The following AARS2 variants were observed in gnomAD, a reference collection of about 807,000 sequenced individuals.
The protein encoded by AARS2 is alanyl-tRNA synthetase 2, mitochondrial.
A neutral mutation model predicts 119.7 loss-of-function variants in AARS2; 78 were observed. The ratio of observed to expected loss-of-function variants is 0.65; its 90% CI spans 0.54 to 0.79. The LOEUF is 0.79. AARS2 is among the 30% of genes least tolerant of loss of function. The pLI is 0.00. For missense variants in AARS2, 1,157 were observed against 1,291.3 expected (o/e 0.90, Z 1.59); for synonymous variants, 502 against 526.3 (o/e 0.95, Z 0.63).
In AARS2 at chr6:44,306,514, G is replaced by C; in HGVS notation, c.1168C>G (p.Leu390Val). ...AGTACCTGGGCTGAGTTCCTTTGCA[G>C]TTCTGGATAAGCATCTCCCTGGGGG... The part of the protein sequence containing the change: ...VETLGDAYPE[L>V]QRNSAQIANL... The change falls in exon 8 of 22, where the codon CTG (leucine) becomes GTG (valine). Residue 390 changes from leucine to valine, a missense_variant. Coordinates refer to ENST00000244571, the MANE Select transcript of AARS2 (RefSeq NM_020745.4). The C allele has an allele frequency of 6.2e-7, 1 of 1,614,172 alleles. No homozygotes were observed.
rs908356412 is a variant in AARS2, at chr6:44,305,068, G to C, written c.1565C>G (p.Pro522Arg). 8 of 1,613,954 alleles carry C rather than the reference G, an allele frequency of 5.0e-6. No homozygotes were observed. Among genetic ancestry groups the C allele is most frequent in the African/African-American group, 1.3e-5 (1 of 74,934 alleles). ...CAGGCTCTCACCATAACTTCCGCTG[G>C]GTCGCAGGGAGTAGTTGTACTTGGG... ...DSPKYNYSLR[P>R]SGSYEFGTCE... Residue 522 changes from proline to arginine, a missense_variant, in exon 11 of 22, where the codon CCC (proline) becomes CGC (arginine). Physicochemically the swap from Pro to Arg is moderately radical, Grantham distance 103. Coordinates refer to ENST00000244571, the MANE Select transcript of AARS2 (RefSeq NM_020745.4). This position sits in a 1 kb window ranked among gnomAD's most constrained non-coding sequence, Gnocchi z 4.6.
intron 9 of AARS2, 36 bp downstream of exon 9, chr6:44,306,244 C>A: frequency 6.2e-7 from 1 of 1,601,662 alleles, no homozygotes; most frequent in Non-Finnish European, 8.6e-7. Flanking sequence ...TGAGTCTCAG[C>A]GAGCCCCTTG....
chr6:44,311,837 C>T (rs181376017), intron 2 of AARS2, among the ~76,000 whole-genome samples: 1 of 152,340 alleles, frequency 6.6e-6, no homozygotes, highest in East Asian at 1.9e-4. Flanking sequence ...CTTAGCATTG[C>T]TGTTTGACCA....
At chr6:44,310,657 C>T (rs1225624317) in intron 4 of AARS2, among the ~76,000 whole-genome samples, 1 of 152,206 alleles carries the variant, frequency 6.6e-6, no homozygotes, top group Non-Finnish European at 1.5e-5. Context: ...CATTCTCACC[C>T]CTGCTTGGGC....
rs1348441280 is a variant in AARS2 at position 44,305,592 on chromosome 6, A to T, written c.1434+61T>A. 1.7e-5 allele frequency: 28 copies of T among 1,606,044 alleles called. No homozygotes were observed. The highest frequency in any genetic ancestry group is 2.1e-5 in the Non-Finnish European group (25 of 1,174,732). ...CAATATTCACAGCTCCTCCCCCAGG[A>T]GCTCAGGGCTGGGGAAGAGGTGTCC... On this transcript the variant is annotated intron_variant, in intron 10 of 21. Coordinates refer to ENST00000244571, the MANE Select transcript of AARS2 (RefSeq NM_020745.4). The surrounding 1 kb of genome is among the most constrained non-coding windows in gnomAD (Gnocchi z 4.6).
chr6:44,311,982 T>C (rs1786398485), intron 2 of AARS2, 90 bp downstream of exon 2: 2 of 1,493,094 alleles, frequency 1.3e-6, no homozygotes, highest in Non-Finnish European at 1.9e-6. Context: ...CCTCCACATC[T>C]GGTATGAGGC....
chr6:44,306,413 T>C (rs779844655), intron 8 of AARS2, 22 bp from the exon 9 acceptor site: 1 of 1,613,800 alleles, frequency 6.2e-7, no homozygotes, highest in South Asian at 1.1e-5. Context: ...AGAGAAGAAG[T>C]GGAGCTGGGT....
intron 4 of AARS2, among the ~76,000 whole-genome samples, chr6:44,310,720 A>G (rs1786276313): frequency 6.6e-6 from 1 of 152,250 alleles, no homozygotes; most frequent in South Asian, 2.1e-4. Flanking sequence ...TTGCCCCTAG[A>G]AAGATATGTC....
chr6:44,301,221 T>C lies in AARS2; in HGVS notation c.2728A>G (p.Thr910Ala). 1 of 1,613,648 alleles carries C rather than the reference T, an allele frequency of 6.2e-7. No individual in the cohort carries two copies. Among genetic ancestry groups the C allele is most frequent in the Non-Finnish European group, 8.5e-7 (1 of 1,179,982 alleles). Residue 910 changes from threonine (T) to alanine (A), a missense_variant, in exon 21 of 22, where the codon ACG (threonine) becomes GCG (alanine). Transcript: ENST00000244571. Reference sequence around the variant, plus strand: ...TGGGGGCTGAGTAGGAGCACAGACGTGCTGGGGGCCTGCTCACACAGCTGC... The same window carrying C: ...TGGGGGCTGAGTAGGAGCACAGACGCGCTGGGGGCCTGCTCACACAGCTGC... The part of the protein sequence containing the change: ...VRQLCEQAPS[T>A]SVLLLSPQPM...
chr6:44,306,594 AC>A, intron 7 of AARS2, 62 bp from the exon 8 acceptor site: 2 of 1,595,136 alleles, frequency 1.3e-6, no homozygotes. Context: ...CCACCTCCCC[AC>A]CCTGGGCCTC....
rs774517733 is a variant in AARS2 at position 44,306,908 on chromosome 6, A to C, written c.1149+15T>G. The C allele has an allele frequency of 6.8e-6, 11 of 1,612,022 alleles. No homozygotes were observed. Among genetic ancestry groups the C allele is most frequent in the Admixed American group, 1.7e-5 (1 of 60,002 alleles). ...CCCAGGGAGGCCCAGAGTGAAAAAG[A>C]AGCTCTGTCCTTACCAGTGTCTCCA... is the stretch of plus-strand genomic sequence containing the variant. On this transcript the variant is annotated intron_variant, in intron 7 of 21. Coordinates refer to ENST00000244571, the MANE Select transcript of AARS2 (RefSeq NM_020745.4).
chr6:44,305,722 C>T lies in AARS2; in HGVS notation c.1365G>A (p.Leu455=). The T allele has an allele frequency of 6.2e-7, 1 of 1,614,178 alleles. No homozygotes were observed. Among genetic ancestry groups the T allele is most frequent in the Non-Finnish European group, 8.5e-7 (1 of 1,180,032 alleles). ...GCTGGACCCCTTTCTCCTCCAGCAT[C>T]AGCTCTACCATGTCCAAGGGGAGTC... ...DLGLPLDMVE[L]MLEEKGVQLD... The change falls in exon 10 of 22, where the codon CTG becomes CTA. Residue 455 remains leucine (L), a synonymous_variant. Transcript: ENST00000244571. This position sits in a 1 kb window ranked among gnomAD's most constrained non-coding sequence, Gnocchi z 4.6.
chr6:44,304,846 G>A, intron 11 of AARS2, 29 bp from the exon 12 acceptor site: 1 of 1,613,874 alleles, frequency 6.2e-7, no homozygotes, highest in Non-Finnish European at 8.5e-7. Context: ...GTTATTAGTG[G>A]TGGGCAGGGG....
chr6:44,305,259 T>C lies in AARS2; in HGVS notation c.1435-61A>G. On this transcript the variant is annotated intron_variant, in intron 10 of 21. Transcript: ENST00000244571. This position sits in a 1 kb window ranked among gnomAD's most constrained non-coding sequence, Gnocchi z 4.6. The stretch of plus-strand genomic sequence containing the variant: ...GAGAATGAAAGAATGAAAGTGGGAC[T>C]TCAGCCTCGCAGGGCCCTGTCCCTG... The C allele has an allele frequency of 6.3e-7, 1 of 1,596,110 alleles. No individual in the cohort carries two copies.
chr6:44,302,494 C>T lies in AARS2; in HGVS notation c.2384G>A (p.Ser795Asn). The T allele has an allele frequency of 3.7e-6, 6 of 1,614,148 alleles. No individual in the cohort carries two copies. Among genetic ancestry groups the T allele is most frequent in the Non-Finnish European group, 3.4e-6 (4 of 1,180,040 alleles). ...QAQQARELGQ[S>N]LAQEVKAATE... is the part of the protein sequence containing the mutation. The stretch of plus-strand genomic sequence containing the variant: ...GGCCGCTTTCACTTCCTGGGCCAGG[C>T]TCTGGCCTAGCTCTCGGGCCTGCAG... Residue 795 changes from serine (S) to asparagine (N), a missense_variant, in exon 18 of 22, where the codon AGC becomes AAC. Physicochemically the swap from Ser to Asn is conservative, Grantham distance 46 (BLOSUM62 1). Transcript: ENST00000244571.
At chr6:44,310,882 CGGTAAGCACCGTTTACATGTTT>C in intron 4 of AARS2, 90 bp downstream of exon 4, 1 of 1,388,022 alleles carries the variant, frequency 7.2e-7, no homozygotes, top group East Asian at 2.3e-5. Flanking sequence ...GCCTGACACA[CGGTAAGCACCGTTTACATGTTT>C]GTTTTTATAT....
At position 44,310,988 on chromosome 6, in the gene AARS2, T is replaced by A; in HGVS notation, c.749+6A>T. ...GGATTCTCATCCTGCTTCAGCACCC[T>A]ATTACCTGTTGTGTTGCATGAAGAC... is the stretch of plus-strand genomic sequence containing the variant. On this transcript the variant is annotated splice_donor_region_variant and intron_variant, in intron 4 of 21. Transcript: ENST00000244571. 2 of 1,613,878 alleles carry A rather than the reference T, an allele frequency of 1.2e-6. No individual in the cohort carries two copies. Among genetic ancestry groups the A allele is most frequent in the African/African-American group, 2.7e-5 (2 of 75,056 alleles).
At chr6:44,311,349 C>G in intron 3 of AARS2, 41 bp downstream of exon 3, 1 of 1,614,036 alleles carries the variant, frequency 6.2e-7, no homozygotes, top group Non-Finnish European at 8.5e-7. Context: ...TTCCAGTCCT[C>G]CTGACCTCCA....
chr6:44,303,683 T>C (rs992461889), intron 14 of AARS2, among the ~76,000 whole-genome samples: 1 of 152,132 alleles, frequency 6.6e-6, no homozygotes, highest in African/African-American at 2.4e-5. Context: ...GGAGGCTGTA[T>C]CCACATGGAG....
Sources: gnomAD v4.1 joint callset for allele counts (sites outside exome capture counted in the v4.1 genomes callset) on GRCh38, gnomAD v4.1.1 for gene constraint, Gnocchi (gnomAD v3.1) non-coding constraint, MANE v1.5 for transcripts, NCBI Gene and HGNC (gene_info 2026-07-23, HGNC 2026-07-21) for gene names.